Variants in TEKT3 observed in about 807,000 individuals in gnomAD.
The protein encoded by TEKT3 is tektin 3, also known as tektin-3.
TEKT3 carries 49 observed loss-of-function variants against 49.8 expected under a neutral mutation model. The ratio of observed to expected loss-of-function variants is 0.98; its 90% confidence interval spans 0.78 to 1.25. The LOEUF (loss-of-function observed/expected upper bound fraction) is 1.25. Ranked by LOEUF, TEKT3 falls within the 50% of genes most tolerant of loss-of-function variation. The pLI is 0.00. For synonymous variants in TEKT3, 225 were observed against 237.2 expected (o/e 0.95, Z 0.47); for missense variants, 595 against 629.5 (o/e 0.95, Z 0.59).
intron 4 of TEKT3, among the ~76,000 whole-genome samples, chr17:15,321,784 T>C (rs1171428814): frequency 6.6e-6 from 1 of 152,228 alleles, no homozygotes; most frequent in East Asian, 1.9e-4. Context: ...TGCAGTTTCA[T>C]CTGTGGGGCT....
intron 5 of TEKT3, 102 bp from the exon 6 acceptor site, chr17:15,314,332 C>T: frequency 6.9e-6 from 10 of 1,449,966 alleles, no homozygotes; most frequent in Non-Finnish European, 9.5e-6. Context: ...CACTGTTGCT[C>T]TCACCATCTC....
At chr17:15,330,133 G>A (rs2150749516) in intron 3 of TEKT3, among the ~76,000 whole-genome samples, 1 of 152,152 alleles carries the variant, frequency 6.6e-6, no homozygotes, top group African/African-American at 2.4e-5. Context: ...GCCCTAAGAT[G>A]GTCTCATTTG....
chr17:15,312,994 C>A lies in TEKT3; in HGVS notation c.879-513G>T, dbSNP rs575041161. Among the ~76,000 whole-genome samples the A allele has an allele frequency of 1.6e-4, 24 of 152,334 alleles. No individual in the cohort carries two copies. In the East Asian group the frequency reaches 2.1e-3, roughly 13 times the overall value. On this transcript the variant is annotated intron_variant, in intron 6 of 8. Transcript: ENST00000395930. ...AGGGTAAAGAGGCAACACAAACCAA[C>A]AGCCTTTCATTCAAATGTGGAAAAC...
In TEKT3 at chr17:15,303,980, G is replaced by T; in HGVS notation, c.1429C>A (p.Arg477Ser). 1 of 1,614,110 alleles carries T rather than the reference G, an allele frequency of 6.2e-7. No individual in the cohort carries two copies. Among genetic ancestry groups the T allele is most frequent in the Non-Finnish European group, 8.5e-7 (1 of 1,180,038 alleles). Residue 477 changes from arginine to serine, a missense_variant, in exon 9 of 9, where the codon CGC becomes AGC. Coordinates refer to ENST00000395930, the MANE Select transcript of TEKT3 (RefSeq NM_031898.3). ...CGGAGGGTGTTGGGGTAGCTCTTGC[G>T]CATGCTCATGCATTTTTCCTGGTCG... ...YIDQEKCMSM[R>S]KSYPNTLRLV... is the part of the protein sequence containing the mutation.
intron 3 of TEKT3, among the ~76,000 whole-genome samples, chr17:15,329,067 T>C (rs573695476): frequency 3.0e-4 from 45 of 152,284 alleles, no homozygotes; most frequent in African/African-American, 1.1e-3. Context: ...CCCAGGAAAT[T>C]TCTACCAATC....
intron 2 of TEKT3, among the ~76,000 whole-genome samples, chr17:15,339,699 C>T (rs1050083509): frequency 2.0e-5 from 3 of 152,166 alleles, no homozygotes; most frequent in African/African-American, 4.8e-5. Context: ...TGCCCCACAC[C>T]CTGCCTTAGA....
At chr17:15,340,880 A>G (rs1000450455) in intron 1 of TEKT3, among the ~76,000 whole-genome samples, 2 of 152,216 alleles carry the variant, frequency 1.3e-5, no homozygotes, top group South Asian at 4.1e-4. Context: ...TTTTTTCACA[A>G]TAATCAAACA....
chr17:15,315,478 C>T (rs561590499), intron 5 of TEKT3, among the ~76,000 whole-genome samples: 18 of 151,624 alleles, frequency 1.2e-4, no homozygotes, highest in South Asian at 2.1e-4. Context: ...GAGATGAAGG[C>T]GGCTTGGACC....
Position 15,303,863 on chromosome 17 carries a change from C to T in TEKT3, c.*73G>A, listed in dbSNP as rs1399982401. ...TTTAATAAGTGACTATATTAGCATTCGGTTCAAATGCTGAGACAGTGCTCT... is the reference window on the plus strand; with the variant it reads ...TTTAATAAGTGACTATATTAGCATTTGGTTCAAATGCTGAGACAGTGCTCT... On this transcript the variant is annotated 3_prime_UTR_variant, in exon 9 of 9. Coordinates refer to ENST00000395930, the MANE Select transcript of TEKT3 (RefSeq NM_031898.3). 6.0e-6 allele frequency: 8 copies of T among 1,339,684 alleles called. No individual in the cohort carries two copies. The highest frequency in any genetic ancestry group is 4.6e-5 in the East Asian group (2 of 43,382). 83.0% of individuals were successfully genotyped at this position (1,339,684 alleles called of 1,614,324 possible). A position where few individuals can be genotyped will look rare whatever the true frequency, so the allele number is the denominator to read the frequency against.
rs140661632 is a variant in TEKT3 at position 15,331,999 on chromosome 17, C to T, written c.-29-385G>A. ...TTCGAGACCAGCCTAGCCAACAAGA[C>T]GAAATGTCGTCTCTGTTAAAAATAC... On this transcript the variant is annotated intron_variant, in intron 2 of 8. Transcript: ENST00000395930. Among the ~76,000 whole-genome samples the T allele has an allele frequency of 4.6e-5, 7 of 151,610 alleles. No homozygotes were observed. The East Asian group carries it at 7.8e-4, about 17-fold the overall frequency.
intron 4 of TEKT3, among the ~76,000 whole-genome samples, chr17:15,323,201 C>G (rs1911340308): frequency 1.3e-5 from 2 of 152,228 alleles, no homozygotes; most frequent in Non-Finnish European, 2.9e-5. Flanking sequence ...AGCAGCAGGT[C>G]TGACATCTCT....
At chr17:15,340,831 T>C (rs1014738915) in intron 1 of TEKT3, among the ~76,000 whole-genome samples, 2 of 152,224 alleles carry the variant, frequency 1.3e-5, no homozygotes, top group Non-Finnish European at 2.9e-5. Flanking sequence ...TTTTGTCAGT[T>C]ACCTCAAAAC....
chr17:15,305,754 C>T (rs1375876139), intron 8 of TEKT3, among the ~76,000 whole-genome samples: 1 of 143,266 alleles, frequency 7.0e-6, no homozygotes, highest in Non-Finnish European at 1.5e-5. Context: ...TGGGAGGGAA[C>T]ATTTGAAAAT....
chr17:15,333,423 T>G (rs1014311819), intron 2 of TEKT3, among the ~76,000 whole-genome samples: 6 of 152,232 alleles, frequency 3.9e-5, no homozygotes, highest in African/African-American at 1.4e-4. Flanking sequence ...CCTGTGCTTA[T>G]AGAACCCTAG....
At chr17:15,315,676 G>T (rs1208647300) in intron 5 of TEKT3, among the ~76,000 whole-genome samples, 2 of 152,110 alleles carry the variant, frequency 1.3e-5, no homozygotes, top group African/African-American at 4.8e-5. Flanking sequence ...GGAGAAGCTA[G>T]GGGAGAAGAT....
At chr17:15,308,624 G>GC in intron 8 of TEKT3, 40 bp downstream of exon 8, 1 of 1,585,900 alleles carries the variant, frequency 6.3e-7, no homozygotes, top group Non-Finnish European at 8.6e-7. Flanking sequence ...TGGTCTGGTG[G>GC]CCCTCCGAGC....
intron 2 of TEKT3, among the ~76,000 whole-genome samples, chr17:15,332,221 G>A (rs866373464): frequency 4.6e-5 from 7 of 151,964 alleles, no homozygotes; most frequent in South Asian, 2.1e-4. Context: ...ATAGATTTCC[G>A]TCTCAAACCA....
intron 2 of TEKT3, among the ~76,000 whole-genome samples, chr17:15,337,323 A>C (rs978453218): frequency 6.6e-6 from 1 of 152,076 alleles, no homozygotes; most frequent in African/African-American, 2.4e-5. Context: ...CCAATAATGA[A>C]GGAAAAAAAT....
Position 15,306,589 on chromosome 17 carries a change from G to C in TEKT3, c.1256+2075C>G, listed in dbSNP as rs535826594. On this transcript the variant is annotated intron_variant, in intron 8 of 8. Transcript: ENST00000395930. ...AAAAAAAAAGAGTAAAAATCATTCA[G>C]CTCCTCAGGAGAAGCTGTGAATGCC... Among the ~76,000 whole-genome samples the C allele has an allele frequency of 9.2e-5, 14 of 151,570 alleles. No individual in the cohort carries two copies. The East Asian group carries it at 2.7e-3, about 29-fold the overall frequency.
Sources: gnomAD v4.1 joint callset for allele counts (sites outside exome capture counted in the v4.1 genomes callset) on GRCh38, gnomAD v4.1.1 for gene constraint, MANE v1.5 for transcripts, NCBI Gene and HGNC (gene_info 2026-07-23, HGNC 2026-07-21) for gene names.